Variants in PCDHGB4 observed in about 807,000 individuals in gnomAD.
PCDHGB4 encodes the protein protocadherin gamma-B4.
PCDHGB4 carries 38 observed loss-of-function variants against 60.5 expected under a neutral mutation model. The observed-to-expected ratio is 0.63, with a 90% CI of 0.48 to 0.82. The LOEUF (loss-of-function observed/expected upper bound fraction) is 0.82. PCDHGB4 is among the 40% of genes least tolerant of loss of function. The pLI, the probability that PCDHGB4 is intolerant of heterozygous loss-of-function variation, is 0.00. For synonymous variants in PCDHGB4, 456 were observed against 509.7 expected (o/e 0.89, Z 1.42); for missense variants, 1,109 against 1,209.6 (o/e 0.92, Z 1.23).
In PCDHGB4 at chr5:141,388,498, A is replaced by G. The variant is rs1025242684; in HGVS notation, c.614A>G (p.Gln205Arg). The G allele has an allele frequency of 9.9e-6, 16 of 1,613,748 alleles. No homozygotes were observed. Among genetic ancestry groups the G allele is most frequent in the Admixed American group, 1.7e-5 (1 of 60,004 alleles). ...AAGACACCTTTGGACAGAGAAAAGCAGAAATCCTACCACTTGACTTTGACT... is the reference window on the plus strand; with the variant it reads ...AAGACACCTTTGGACAGAGAAAAGCGGAAATCCTACCACTTGACTTTGACT... ...VLKTPLDREKQKSYHLTLTAL... is the reference protein window; with the variant it reads ...VLKTPLDREKRKSYHLTLTAL... The change falls in exon 1 of 4, where the codon CAG (glutamine) becomes CGG (arginine). Residue 205 changes from glutamine (Q) to arginine (R), a missense_variant. Physicochemically the swap from Gln to Arg is conservative, Grantham distance 43. Transcript: ENST00000519479.
chr5:141,413,865 C>A, intron 1 of PCDHGB4: 2 of 1,613,388 alleles, frequency 1.2e-6, no homozygotes, highest in Non-Finnish European at 1.7e-6. Context: ...CTGGCACTGT[C>A]CTTGTCAGTG....
In PCDHGB4 at chr5:141,389,818, G is replaced by T; in HGVS notation, c.1934G>T (p.Arg645Leu). ...CGCCAGCGCCTTCTGGTCGCCGTGC[G>T]TGACGGTGGACAGCCACCACTCTCG... ...AVRQRLLVAV[R>L]DGGQPPLSAT... Residue 645 changes from arginine to leucine, a missense_variant, in exon 1 of 4, where the codon CGT becomes CTT. Arg to Leu is a moderately radical substitution (Grantham distance 102). Transcript: ENST00000519479. The T allele has an allele frequency of 1.2e-6, 2 of 1,613,888 alleles. No individual in the cohort carries two copies. The highest frequency in any genetic ancestry group is 1.7e-6 in the Non-Finnish European group (2 of 1,179,888).
intron 1 of PCDHGB4, chr5:141,409,824 C>A (rs1265260597): frequency 6.2e-7 from 1 of 1,610,742 alleles, no homozygotes; most frequent in Non-Finnish European, 8.5e-7. Flanking sequence ...GGCTCGCCCA[C>A]GCTCAGCGCC....
Position 141,421,812 on chromosome 5 carries a change from A to G in PCDHGB4, c.2397+31531A>G, listed in dbSNP as rs779804436. On this transcript the variant is annotated intron_variant, in intron 1 of 3. Transcript: ENST00000519479. ...CGGATGGGGCCAAGAATCCAGAGCTAGTACTGGAGGGAAGCCTGGACCGAG... is the reference window on the plus strand; with the variant it reads ...CGGATGGGGCCAAGAATCCAGAGCTGGTACTGGAGGGAAGCCTGGACCGAG... 9.9e-6 allele frequency: 16 copies of G among 1,613,704 alleles called. 1 individual carries two copies. In the South Asian group the frequency reaches 1.5e-4, roughly 16 times the overall value.
At chr5:141,393,405 C>G (rs777100284) in intron 1 of PCDHGB4, 1 of 1,613,914 alleles carries the variant, frequency 6.2e-7, no homozygotes, top group Admixed American at 1.7e-5. Flanking sequence ...GGTGCTGGAG[C>G]GCGCCCTGGA....
chr5:141,502,862 C>T (rs2099816351), intron 2 of PCDHGB4, among the ~76,000 whole-genome samples: 1 of 68,558 alleles, frequency 1.5e-5, no homozygotes, highest in African/African-American at 1.0e-4. Context: ...CCCTGACTCT[C>T]TGTCTTTTTT....
intron 1 of PCDHGB4, among the ~76,000 whole-genome samples, chr5:141,472,677 C>T (rs1275941416): frequency 6.6e-6 from 1 of 151,658 alleles, no homozygotes; most frequent in Non-Finnish European, 1.5e-5. Context: ...ACTGGTCCTT[C>T]CATTTCCCCT....
At position 141,493,235 on chromosome 5, in the gene PCDHGB4, T is replaced by G. The variant is rs541360337; in HGVS notation, c.2398-1572T>G. Among the ~76,000 whole-genome samples the G allele has an allele frequency of 6.6e-6, 1 of 152,352 alleles. No homozygotes were observed. The highest frequency in any genetic ancestry group is 1.5e-5 in the Non-Finnish European group (1 of 68,036). On this transcript the variant is annotated intron_variant, in intron 1 of 3. Transcript: ENST00000519479. This position sits in a 1 kb window ranked among gnomAD's most constrained non-coding sequence, Gnocchi z 4.3. ...TGCTCTTCCCACCATTGCTGTTGGC[T>G]AGGTACTAACATGCCTCTCTTATAA...
At chr5:141,479,740 C>T (rs1434967266) in intron 1 of PCDHGB4, 1 of 152,168 alleles carries the variant, frequency 6.6e-6, no homozygotes, top group Non-Finnish European at 1.5e-5. Context: ...AGTATATGCA[C>T]AATGTGAAAG....
intron 1 of PCDHGB4, among the ~76,000 whole-genome samples, chr5:141,474,404 G>A (rs1014003488): frequency 4.6e-5 from 7 of 152,156 alleles, no homozygotes; most frequent in East Asian, 1.9e-4. Context: ...CAAGCTCCCC[G>A]GTGATGCCTA....
chr5:141,412,902 T>G, intron 1 of PCDHGB4: 1 of 371,284 alleles, frequency 2.7e-6, no homozygotes, highest in East Asian at 4.2e-5. Flanking sequence ...TACTTTCCAT[T>G]GCATGTATCA....
intron 1 of PCDHGB4, chr5:141,399,694 A>G (rs1467163302): frequency 1.9e-6 from 3 of 1,613,454 alleles, no homozygotes; most frequent in Admixed American, 1.7e-5. Flanking sequence ...GCAGCTGCGC[A>G]CCTTCGAACT....
At chr5:141,441,734 G>GAT in intron 1 of PCDHGB4, 1 of 364,808 alleles carries the variant, frequency 2.7e-6, no homozygotes, top group South Asian at 2.2e-5. Context: ...ACCAGGACTA[G>GAT]CTCGCGCTCG....
intron 1 of PCDHGB4, chr5:141,422,819 TGAGA>T (rs766395950): frequency 6.2e-7 from 1 of 1,614,188 alleles, no homozygotes; most frequent in African/African-American, 1.3e-5. Flanking sequence ...GACTTAGAAC[TGAGA>T]GTGATAGCAC....
At chr5:141,468,924 C>G (rs1434433938) in intron 1 of PCDHGB4, among the ~76,000 whole-genome samples, 1 of 150,520 alleles carries the variant, frequency 6.6e-6, no homozygotes, top group Non-Finnish European at 1.5e-5. Context: ...GAGAATAGCA[C>G]TAAAATGGGA....
chr5:141,405,016 C>A (rs538744733), intron 1 of PCDHGB4: 1 of 1,614,006 alleles, frequency 6.2e-7, no homozygotes, highest in African/African-American at 1.3e-5. Flanking sequence ...AGGCCTCAGA[C>A]CTTACCCTCT....
In PCDHGB4 at chr5:141,486,336, G is replaced by A. The variant is rs534793835; in HGVS notation, c.2398-8471G>A. 3.8e-5 allele frequency: 61 copies of A among 1,613,992 alleles called. No individual in the cohort carries two copies. In the African/African-American group the frequency reaches 4.3e-4, roughly 11 times the overall value. On this transcript the variant is annotated intron_variant, in intron 1 of 3. Coordinates refer to ENST00000519479, the MANE Select transcript of PCDHGB4 (RefSeq NM_003736.4). The surrounding 1 kb of genome is among the most constrained non-coding windows in gnomAD (Gnocchi z 5.0). The stretch of plus-strand genomic sequence containing the variant: ...GGGTCAAACGGAGATGTGAGCCTCC[G>A]CATTCCTGACCACTTGCCATTTGCC...
chr5:141,510,833 C>T (rs2099882936), intron 3 of PCDHGB4, 114 bp from the exon 4 acceptor site: 46 of 1,577,678 alleles, frequency 2.9e-5, no homozygotes, highest in South Asian at 2.5e-4. Context: ...CAGTGCTCAG[C>T]GTGGTCAAGG....
chr5:141,420,089 A>G lies in PCDHGB4; in HGVS notation c.2397+29808A>G. On this transcript the variant is annotated intron_variant, in intron 1 of 3. Transcript: ENST00000519479. The stretch of plus-strand genomic sequence containing the variant: ...CGGACCTGTGGGTCCCCCCAACTAC[A>G]GTGAGGGAACGTTGCCCTATGCCTA... 2.5e-6 allele frequency: 4 copies of G among 1,613,986 alleles called. No individual in the cohort carries two copies. Among genetic ancestry groups the G allele is most frequent in the Middle Eastern group, 1.6e-4 (1 of 6,062 alleles).
Sources: allele counts gnomAD v4.1 joint callset (sites outside exome capture counted in the v4.1 genomes callset), GRCh38; gene constraint gnomAD v4.1.1; non-coding constraint Gnocchi (gnomAD v3.1); transcripts MANE v1.5; gene names NCBI Gene and HGNC (gene_info 2026-07-23, HGNC 2026-07-21).